Variants in LPP observed in about 807,000 individuals in gnomAD.
LPP encodes the protein lipoma-preferred partner.
Under a neutral mutation model 60.4 loss-of-function variants are expected in LPP, and 38 were observed. That is an observed-to-expected ratio of 0.63 (90% confidence interval 0.49 to 0.83). LPP has a LOEUF of 0.83. Among genes scored for constraint, LPP ranks in the 40% least tolerant of loss-of-function variants. The pLI, the probability that LPP is intolerant of heterozygous loss-of-function variation, is 0.00. For synonymous variants in LPP, 328 were observed against 290.8 expected, an observed-to-expected ratio of 1.13 and a Z score of -1.30; for missense variants, 902 against 783.6, an observed-to-expected ratio of 1.15 and a Z score of -1.80.
intron 6 of LPP, among the ~76,000 whole-genome samples, chr3:188,602,867 G>T (rs907999402): frequency 1.3e-5 from 2 of 150,998 alleles, no homozygotes; most frequent in Admixed American, 1.3e-4. Context: ...TTTTTTTCTC[G>T]GTCTCCCAAG....
At chr3:188,469,235 T>C (rs575151712) in intron 4 of LPP, among the ~76,000 whole-genome samples, 1 of 152,122 alleles carries the variant, frequency 6.6e-6, no homozygotes, top group Non-Finnish European at 1.5e-5. Context: ...GGACTTAACC[T>C]TTGCAGATGT....
intron 1 of LPP, among the ~76,000 whole-genome samples, chr3:188,209,393 C>T (rs1376862604): frequency 6.6e-6 from 1 of 152,166 alleles, no homozygotes; most frequent in Non-Finnish European, 1.5e-5. Flanking sequence ...ACAGTGCCAT[C>T]AGAACTGTGA....
At chr3:188,754,111 T>A (rs1251515173) in intron 8 of LPP, among the ~76,000 whole-genome samples, 1 of 152,220 alleles carries the variant, frequency 6.6e-6, no homozygotes, top group Non-Finnish European at 1.5e-5. Context: ...TGGCTAACAG[T>A]TGACATTCTT....
chr3:188,508,994 A>G (rs1814391979), intron 5 of LPP, among the ~76,000 whole-genome samples: 1 of 152,170 alleles, frequency 6.6e-6, no homozygotes, highest in African/African-American at 2.4e-5. Flanking sequence ...TGGTAAATCT[A>G]GGAGGGGGCT....
intron 2 of LPP, among the ~76,000 whole-genome samples, chr3:188,252,728 G>GT (rs911491076): frequency 4.3e-4 from 65 of 151,992 alleles, no homozygotes; most frequent in African/African-American, 1.4e-3. Context: ...CATTTTGTGA[G>GT]TTTTTTGTGA....
At chr3:188,681,378 C>A (rs977477934) in intron 7 of LPP, among the ~76,000 whole-genome samples, 38 of 152,270 alleles carry the variant, frequency 2.5e-4, no homozygotes, top group Admixed American at 1.7e-3. Context: ...CTGCCTGGGA[C>A]AGTGGCTCAA....
At chr3:188,509,873 G>T (rs370598745) in intron 5 of LPP, among the ~76,000 whole-genome samples, 18,328 of 110,852 alleles carry the variant, frequency 0.17, 2,269 homozygotes, top group East Asian at 0.43. Context: ...TTTTTTTGTT[G>T]TTTTTTTTTT....
rs375785191 is a variant in LPP, at chr3:188,549,740, T to C, written c.429+24953T>C. Among the ~76,000 whole-genome samples the C allele has an allele frequency of 5.3e-5, 8 of 152,330 alleles. No homozygotes were observed. In the South Asian group the frequency reaches 1.0e-3, roughly 20 times the overall value. On this transcript the variant is annotated intron_variant, in intron 6 of 11. Transcript: ENST00000617246. ...ACTACCACTCATTTCCCTCTTCACA[T>C]GGCAATGGAACTTTTCATTAAAAAT...
intron 8 of LPP, among the ~76,000 whole-genome samples, chr3:188,753,626 TG>T (rs1167855422): frequency 6.6e-6 from 1 of 150,868 alleles, no homozygotes; most frequent in African/African-American, 2.4e-5. Flanking sequence ...TTTTGTTTTT[TG>T]TTTTTTTTTA....
At chr3:188,162,387 T>C (rs1271277013) in intron 1 of LPP, among the ~76,000 whole-genome samples, 2 of 152,184 alleles carry the variant, frequency 1.3e-5, no homozygotes, top group African/African-American at 4.8e-5. Flanking sequence ...CAAATGAGCA[T>C]AGTTGATGTG....
chr3:188,279,427 T>G (rs939063736), intron 2 of LPP, among the ~76,000 whole-genome samples: 1 of 152,218 alleles, frequency 6.6e-6, no homozygotes, highest in Admixed American at 6.5e-5. Context: ...GCCAATGAAT[T>G]ATATGACAGG....
chr3:188,420,144 T>G (rs1308621496), intron 4 of LPP, among the ~76,000 whole-genome samples: 1 of 152,078 alleles, frequency 6.6e-6, no homozygotes, highest in Non-Finnish European at 1.5e-5. Context: ...TGCTGACCAT[T>G]TAAAAAATAA....
intron 2 of LPP, among the ~76,000 whole-genome samples, chr3:188,233,828 T>G (rs1024682207): frequency 6.6e-6 from 1 of 152,124 alleles, no homozygotes; most frequent in Non-Finnish European, 1.5e-5. Context: ...CTGGTTACTC[T>G]TTTAATCTTG....
At chr3:188,731,517 T>G (rs1030502523) in intron 8 of LPP, among the ~76,000 whole-genome samples, 1 of 9,300 alleles carries the variant, frequency 1.1e-4, no homozygotes, top group Non-Finnish European at 2.0e-4. Context: ...TTTTTGTTTT[T>G]TTTGTTTTGT....
At chr3:188,840,826 G>A (rs1175015075) in intron 9 of LPP, among the ~76,000 whole-genome samples, 1 of 152,154 alleles carries the variant, frequency 6.6e-6, no homozygotes, top group Non-Finnish European at 1.5e-5. Context: ...GTACTAGCCT[G>A]TTCTGAAATC....
intron 8 of LPP, among the ~76,000 whole-genome samples, chr3:188,742,494 G>GA (rs1321969904): frequency 1.3e-5 from 2 of 151,898 alleles, no homozygotes; most frequent in African/African-American, 2.4e-5. Flanking sequence ...ACAAATACAT[G>GA]AAAAAAATCT....
At chr3:188,753,573 T>TTGTG (rs1307749371) in intron 8 of LPP, among the ~76,000 whole-genome samples, 19 of 118,250 alleles carry the variant, frequency 1.6e-4, no homozygotes, top group Admixed American at 6.8e-4. Context: ...TTTTGGCTTG[T>TTGTG]TGTGTGCGTG....
intron 4 of LPP, among the ~76,000 whole-genome samples, chr3:188,437,276 G>A (rs1351646706): frequency 3.3e-5 from 5 of 152,156 alleles, no homozygotes; most frequent in African/African-American, 9.7e-5. Context: ...TCCAAAGTAC[G>A]TGCATTTGAA....
rs1160177835 is a variant in LPP at position 188,462,484 on chromosome 3, T to A, written c.194-22108T>A. Among the ~76,000 whole-genome samples the A allele has an allele frequency of 4.8e-5, 7 of 146,276 alleles. No homozygotes were observed. In the East Asian group the frequency reaches 1.4e-3, roughly 29 times the overall value. On this transcript the variant is annotated intron_variant, in intron 4 of 11. Transcript: ENST00000617246. ...GAGCTTCATATATAGCATATGTGTG[T>A]GTTACCTTCCTGGTAACACACCAAA... is the stretch of plus-strand genomic sequence containing the variant.
Sources: allele counts gnomAD v4.1 joint callset (sites outside exome capture counted in the v4.1 genomes callset), GRCh38; gene constraint gnomAD v4.1.1; transcripts MANE v1.5; gene names NCBI Gene and HGNC (gene_info 2026-07-23, HGNC 2026-07-21).